Variants in C1D observed in about 807,000 individuals in gnomAD.
C1D encodes nuclear nucleic acid-binding protein C1D.
Under a neutral mutation model 17.5 loss-of-function variants are expected in C1D, and 10 were observed. The ratio of observed to expected loss-of-function variants is 0.57; its 90% confidence interval spans 0.35 to 0.97. The LOEUF (loss-of-function observed/expected upper bound fraction) is 0.97, where lower values mean the gene tolerates loss of function less well. Ranked by LOEUF, C1D falls within the 50% of genes least tolerant of loss-of-function variation. The pLI is 0.01. For synonymous variants in C1D, 49 were observed against 54.0 expected, an observed-to-expected ratio of 0.91 and a Z score of 0.40; for missense variants, 136 against 160.1, an observed-to-expected ratio of 0.85 and a Z score of 0.81.
chr2:68,054,793 TA>T (rs201560971), intron 1 of C1D, among the ~76,000 whole-genome samples: 421 of 140,342 alleles, frequency 3.0e-3, no homozygotes, highest in Middle Eastern at 7.4e-3. Flanking sequence ...GACCCATCTC[TA>T]AAAAAAAAAA....
chr2:68,051,828 C>G (rs903692951), intron 1 of C1D, among the ~76,000 whole-genome samples: 5 of 151,902 alleles, frequency 3.3e-5, no homozygotes, highest in African/African-American at 1.2e-4. Context: ...AAAATGCACA[C>G]CCCTCCCCCA....
intron 1 of C1D, among the ~76,000 whole-genome samples, chr2:68,060,847 C>T (rs577041297): frequency 6.6e-5 from 10 of 152,312 alleles, no homozygotes; most frequent in African/African-American, 1.7e-4. Context: ...TGTCGAGGCA[C>T]ATTTTGAACT....
rs532278434 is a variant in C1D, at chr2:68,046,051, A to T, written c.206-8T>A. 1 of 1,566,904 alleles carries T rather than the reference A, an allele frequency of 6.4e-7. No individual in the cohort carries two copies. Among genetic ancestry groups the T allele is most frequent in the Non-Finnish European group, 8.7e-7 (1 of 1,151,358 alleles). On this transcript the variant is annotated splice_region_variant and splice_polypyrimidine_tract_variant and intron_variant, in intron 3 of 4. Coordinates refer to ENST00000410067, the MANE Select transcript of C1D (RefSeq NM_173177.3). ...CTTGGGTTGCCAAATAAACTACAAG[A>T]GAAAAATTTCATGGAATAAAATGGT...
intron 1 of C1D, among the ~76,000 whole-genome samples, chr2:68,062,277 G>C (rs183121810): frequency 4.1e-4 from 63 of 152,332 alleles, no homozygotes; most frequent in African/African-American, 1.4e-3. Context: ...TTAATAAGTG[G>C]ATAGCAAACA....
chr2:68,047,258 A>G lies in C1D; in HGVS notation c.53T>C (p.Leu18Ser). The G allele has an allele frequency of 1.2e-6, 2 of 1,613,264 alleles. No homozygotes were observed. The highest frequency in any genetic ancestry group is 1.7e-6 in the Non-Finnish European group (2 of 1,179,542). ...EDYPVEIHEYLSAFENSIGAV... is the reference protein window; with the variant it reads ...EDYPVEIHEYSSAFENSIGAV... ...ACCAATGGAATTCTCAAACGCTGAC[A>G]AATACTCGTGAATTTCTACTGGATA... The change falls in exon 2 of 5, where the codon TTG becomes TCG. Residue 18 changes from leucine to serine, a missense_variant. Transcript: ENST00000410067.
chr2:68,062,011 T>C (rs1671644582), intron 1 of C1D, among the ~76,000 whole-genome samples: 1 of 152,252 alleles, frequency 6.6e-6, no homozygotes, highest in Non-Finnish European at 1.5e-5. Context: ...AGGGCTAATC[T>C]GTTGTTTTTG....
Position 68,047,255 on chromosome 2 carries a change from G to C in C1D, c.56C>G (p.Ser19Ter). 1 of 1,612,480 alleles carries C rather than the reference G, an allele frequency of 6.2e-7. No individual in the cohort carries two copies. Among genetic ancestry groups the C allele is most frequent in the Non-Finnish European group, 8.5e-7 (1 of 1,179,218 alleles). ...AGCACCAATGGAATTCTCAAACGCT[G>C]ACAAATACTCGTGAATTTCTACTGG... ...DYPVEIHEYL[S>*]AFENSIGAVD... The change falls in exon 2 of 5, where the codon TCA becomes TGA. Residue 19 changes from serine to a stop codon, truncating the protein, a stop_gained. Coordinates refer to ENST00000410067, the MANE Select transcript of C1D (RefSeq NM_173177.3). LOFTEE classifies it high-confidence loss of function.
intron 2 of C1D, 63 bp downstream of exon 2, chr2:68,047,110 G>A: frequency 3.5e-6 from 5 of 1,441,100 alleles, no homozygotes; most frequent in Non-Finnish European, 3.8e-6. Flanking sequence ...TCTTCCACAT[G>A]TTTCATAAAA....
In C1D at chr2:68,049,113, C is replaced by T. The variant is rs184231723; in HGVS notation, c.-9-1794G>A. ...TTGGGAGTCTGAGGCAGGAGAACTG[C>T]TTGAACCTGGGAGGTGGAGGTTGCA... is the stretch of plus-strand genomic sequence containing the variant. On this transcript the variant is annotated intron_variant, in intron 1 of 4. Coordinates refer to ENST00000410067, the MANE Select transcript of C1D (RefSeq NM_173177.3). Among the ~76,000 whole-genome samples, 185 of 151,740 alleles carry T rather than the reference C, an allele frequency of 1.2e-3. 1 individual carries two copies. Among genetic ancestry groups the T allele is most frequent in the Non-Finnish European group, 2.1e-3 (145 of 67,936 alleles).
intron 1 of C1D, among the ~76,000 whole-genome samples, chr2:68,057,325 T>TC (rs1312405516): frequency 6.6e-6 from 1 of 151,816 alleles, no homozygotes; most frequent in African/African-American, 2.4e-5. Context: ...TTTTTTTTTT[T>TC]TTCGTATTTT....
At chr2:68,046,488 T>A in intron 2 of C1D, 78 bp from the exon 3 acceptor site, 3 of 1,000,616 alleles carry the variant, frequency 3.0e-6, no homozygotes, top group Non-Finnish European at 4.6e-6. Flanking sequence ...CACCATCTGA[T>A]AACATTTGAC....
chr2:68,043,605 T>C (rs1671032913), intron 4 of C1D, among the ~76,000 whole-genome samples: 1 of 152,160 alleles, frequency 6.6e-6, no homozygotes, highest in Non-Finnish European at 1.5e-5. Context: ...AATTTTCTAA[T>C]AAAATATACA....
rs1670957172 is a variant in C1D at position 68,041,485 on chromosome 2, C to T, written c.*1404G>A. The T allele has an allele frequency of 6.6e-6, 1 of 151,830 alleles. No individual in the cohort carries two copies. The highest frequency in any genetic ancestry group is 1.5e-5 in the Non-Finnish European group (1 of 67,802). The allele number at this position is 151,830 out of a possible 1,614,324, so 9.4% of individuals were successfully genotyped here. A position where few individuals can be genotyped will look rare whatever the true frequency, so the allele number is the denominator to read the frequency against. On this transcript the variant is annotated 3_prime_UTR_variant, in exon 5 of 5. Transcript: ENST00000410067. ...ATGAAGAGGTTATTTTTAAAAATAG[C>T]TAGAAATTTGGAGACAAAGGCAAAA...
chr2:68,042,834 G>GT lies in C1D; in HGVS notation c.*54_*55insA. The GT allele has an allele frequency of 4.8e-5, 3 of 62,510 alleles. No individual in the cohort carries two copies. The highest frequency in any genetic ancestry group is 3.7e-4 in the South Asian group (2 of 5,406). 3.9% of individuals were successfully genotyped at this position (62,510 alleles called of 1,614,324 possible). A position where few individuals can be genotyped will look rare whatever the true frequency, so the allele number is the denominator to read the frequency against. ...CTGCCACAGAATTATTTTGCGGGGG[G>GT]GGGGGGGGGGGGGAAGATGTACTTT... On this transcript the variant is annotated 3_prime_UTR_variant, in exon 5 of 5. Transcript: ENST00000410067.
chr2:68,056,643 A>T (rs981410469), intron 1 of C1D, among the ~76,000 whole-genome samples: 29 of 152,234 alleles, frequency 1.9e-4, no homozygotes, highest in African/African-American at 6.5e-4. Context: ...CAAATAATCC[A>T]GATGACCAAT....
At chr2:68,053,203 T>A (rs1222504764) in intron 1 of C1D, 1 of 1,549,694 alleles carries the variant, frequency 6.5e-7, no homozygotes, top group Non-Finnish European at 8.7e-7. Context: ...CTCAGTAAGG[T>A]GTGGCTGAGA....
intron 1 of C1D, among the ~76,000 whole-genome samples, chr2:68,061,624 T>C (rs1671631311): frequency 6.6e-6 from 1 of 152,136 alleles, no homozygotes; most frequent in Non-Finnish European, 1.5e-5. Context: ...TTAAATAAAC[T>C]AGATAAAAGC....
chr2:68,056,989 CAA>C (rs1244469050), intron 1 of C1D, among the ~76,000 whole-genome samples: 2 of 152,164 alleles, frequency 1.3e-5, no homozygotes, highest in Non-Finnish European at 2.9e-5. Context: ...TAAAACAGAA[CAA>C]CCCACACATC....
intron 4 of C1D, among the ~76,000 whole-genome samples, chr2:68,045,026 T>C (rs1671079793): frequency 1.3e-5 from 2 of 152,208 alleles, no homozygotes. Flanking sequence ...ACTTTTGCTT[T>C]AAATATTTTT....
Sources: allele counts gnomAD v4.1 joint callset (sites outside exome capture counted in the v4.1 genomes callset), GRCh38; gene constraint gnomAD v4.1.1; transcripts MANE v1.5; gene names NCBI Gene and HGNC (gene_info 2026-07-23, HGNC 2026-07-21).